ATAD2B: variants seen among roughly 807,000 people sequenced by gnomAD.
ATAD2B encodes ATPase family AAA domain containing 2B.
In ATAD2B, 40 loss-of-function variants were observed where a neutral mutation model predicts 167.6. The ratio of observed to expected loss-of-function variants is 0.24; its 90% CI spans 0.19 to 0.31. The LOEUF (loss-of-function observed/expected upper bound fraction) is 0.31. Among genes scored for constraint, ATAD2B ranks in the 10% least tolerant of loss-of-function variants. The pLI, the probability that ATAD2B is intolerant of heterozygous loss-of-function variation, is 1.00. For synonymous variants in ATAD2B, 579 were observed against 596.5 expected, an observed-to-expected ratio of 0.97 and a Z score of 0.43; for missense variants, 1,242 against 1,757.2, an observed-to-expected ratio of 0.71 and a Z score of 5.24.
intron 6 of ATAD2B, chr2:23,883,661 A>G: frequency 1.6e-6 from 2 of 1,229,286 alleles, no homozygotes; most frequent in Non-Finnish European, 2.1e-6. Flanking sequence ...TATTTGCTCA[A>G]TAAAGTACCT....
At chr2:23,798,430 G>T in intron 18 of ATAD2B, 107 bp from the exon 19 acceptor site, 2 of 838,420 alleles carry the variant, frequency 2.4e-6, no homozygotes, top group East Asian at 2.9e-5. Context: ...ATGGTCATTA[G>T]TTTCAGCCTC....
At chr2:23,698,412 T>C in the ATAD2B span, among the ~76,000 whole-genome samples, 8 of 152,010 alleles carry the variant, frequency 5.3e-5, no homozygotes, top group African/African-American at 1.4e-4. Flanking sequence ...TTCGGGTAGG[T>C]TGCTTTCTGT....
the ATAD2B span, among the ~76,000 whole-genome samples, chr2:23,736,067 A>C: frequency 6.6e-6 from 1 of 152,244 alleles, no homozygotes; most frequent in Admixed American, 6.5e-5. Context: ...TCCCACTGAG[A>C]GGCTTCTATT....
intron 13 of ATAD2B, among the ~76,000 whole-genome samples, chr2:23,839,948 T>G (rs72786277): frequency 0.12 from 18,314 of 152,196 alleles, 1,176 homozygotes; most frequent in Middle Eastern, 0.21. Flanking sequence ...CAGATTACTT[T>G]GCATTACTTA....
the ATAD2B span, among the ~76,000 whole-genome samples, chr2:23,737,961 G>T: frequency 1.3e-5 from 2 of 152,118 alleles, no homozygotes; most frequent in Non-Finnish European, 2.9e-5. Flanking sequence ...GATGGAAGAC[G>T]AAATGAATGA....
In ATAD2B at chr2:23,754,350, T is replaced by C. The variant is rs143527457; in HGVS notation, c.4207-43A>G. On this transcript the variant is annotated intron_variant, in intron 26 of 27. Transcript: ENST00000238789. Reference sequence around the variant, plus strand: ...AGAATAAAATGTAATTTGATTTCACTGGTCAAACTGAAATTGTATATTCAA... The same window carrying C: ...AGAATAAAATGTAATTTGATTTCACCGGTCAAACTGAAATTGTATATTCAA... The C allele has an allele frequency of 9.4e-3, 14,186 of 1,508,832 alleles. 90 individuals carry two copies. The highest frequency in any genetic ancestry group is 0.025 in the Middle Eastern group (144 of 5,842). 93.5% of individuals were successfully genotyped at this position (1,508,832 alleles called of 1,614,324 possible). A position where few individuals can be genotyped will look rare whatever the true frequency, so the allele number is the denominator to read the frequency against.
intron 7 of ATAD2B, among the ~76,000 whole-genome samples, chr2:23,877,654 G>A (rs916313920): frequency 1.3e-5 from 2 of 149,570 alleles, no homozygotes; most frequent in Non-Finnish European, 1.5e-5. Flanking sequence ...GGTGGATCAC[G>A]AGAGGTCAGG....
chr2:23,706,993 G>A, the ATAD2B span: 47 of 216,098 alleles, frequency 2.2e-4, no homozygotes, highest in East Asian at 4.9e-3. Context: ...CCTTCCTGCA[G>A]AGCAAGCTTG....
At chr2:23,823,713 A>C in intron 15 of ATAD2B, 144 bp from the exon 16 acceptor site, 1 of 707,270 alleles carries the variant, frequency 1.4e-6, no homozygotes, top group Non-Finnish European at 2.2e-6. Context: ...CAAAATGAAA[A>C]CTAGCCATTT....
intron 15 of ATAD2B, 22 bp from the exon 16 acceptor site, chr2:23,823,591 A>T (rs1687795321): frequency 6.3e-7 from 1 of 1,597,770 alleles, no homozygotes. Flanking sequence ...AAGGAGAAGG[A>T]TAGCAAAGGT....
intron 1 of ATAD2B, among the ~76,000 whole-genome samples, chr2:23,908,579 C>T (rs1447304973): frequency 2.0e-5 from 3 of 152,040 alleles, no homozygotes; most frequent in Non-Finnish European, 2.9e-5. Flanking sequence ...GTCAGTGTGG[C>T]GATTCCTCAG....
chr2:23,729,403 G>C, the ATAD2B span, among the ~76,000 whole-genome samples: 1 of 152,132 alleles, frequency 6.6e-6, no homozygotes, highest in Non-Finnish European at 1.5e-5. Flanking sequence ...CGGCTTGTCT[G>C]AACTAGCATA....
intron 13 of ATAD2B, among the ~76,000 whole-genome samples, chr2:23,843,167 ACAAT>A (rs766640783): frequency 2.6e-5 from 4 of 152,226 alleles, no homozygotes; most frequent in Non-Finnish European, 5.9e-5. Flanking sequence ...ACAATGAAAA[ACAAT>A]CAAATGTAAG....
At chr2:23,703,220 GC>G in the ATAD2B span, 1 of 1,474,092 alleles carries the variant, frequency 6.8e-7, no homozygotes, top group Admixed American at 2.6e-5. Context: ...GGAGGCGGTG[GC>G]CCCTCTGCCC....
the ATAD2B span, among the ~76,000 whole-genome samples, chr2:23,728,057 T>G: frequency 3.7e-4 from 56 of 152,306 alleles, no homozygotes; most frequent in African/African-American, 1.3e-3. Flanking sequence ...ACTGTGGGCC[T>G]TAGTTAATAA....
chr2:23,863,595 T>C (rs1694734509), intron 11 of ATAD2B, 40 bp from the exon 12 acceptor site: 1 of 1,497,120 alleles, frequency 6.7e-7, no homozygotes, highest in Admixed American at 2.4e-5. Flanking sequence ...AATTATATTA[T>C]CATCACTGCT....
the ATAD2B span, among the ~76,000 whole-genome samples, chr2:23,694,681 T>C: frequency 2.0e-5 from 3 of 151,980 alleles, no homozygotes; most frequent in Non-Finnish European, 4.4e-5. Flanking sequence ...CCCAGACAAT[T>C]CTCCAGACAC....
chr2:23,878,026 A>AAAAAAAAAAAAAAAAAAAAAG (rs1553440562), intron 7 of ATAD2B, among the ~76,000 whole-genome samples: 1 of 129,232 alleles, frequency 7.7e-6, no homozygotes, highest in East Asian at 3.5e-4. Flanking sequence ...AAAAAAAAAA[A>AAAAAAAAAAAAAAAAAAAAAG]AAAAAAAAAA....
At chr2:23,863,206 G>A (rs1694675167) in intron 12 of ATAD2B, among the ~76,000 whole-genome samples, 175 bp downstream of exon 12, 1 of 152,104 alleles carries the variant, frequency 6.6e-6, no homozygotes, top group Non-Finnish European at 1.5e-5. Flanking sequence ...CTGGGGCAAG[G>A]ACTGATGCAG....
Sources: allele counts gnomAD v4.1 joint callset (sites outside exome capture counted in the v4.1 genomes callset), GRCh38; gene constraint gnomAD v4.1.1; transcripts MANE v1.5; gene names NCBI Gene and HGNC (gene_info 2026-07-23, HGNC 2026-07-21).